BIRC3: variants seen among roughly 807,000 people sequenced by gnomAD.
The protein encoded by BIRC3 is baculoviral IAP repeat containing 3, also known as baculoviral IAP repeat-containing protein 3.
In BIRC3, 26 loss-of-function variants were observed where a neutral mutation model predicts 59.0. The ratio of observed to expected loss-of-function variants is 0.44; its 90% confidence interval spans 0.32 to 0.61. BIRC3 has a LOEUF of 0.61. Ranked by LOEUF, BIRC3 falls within the 20% of genes least tolerant of loss-of-function variation. The pLI is 0.04. For missense variants in BIRC3, 641 were observed against 711.5 expected (o/e 0.90, Z 1.13); for synonymous variants, 243 against 249.2 (o/e 0.98, Z 0.24).
intron 1 of BIRC3, chr11:102,320,546 T>C (rs1243784730): frequency 1.3e-5 from 2 of 152,252 alleles, no homozygotes; most frequent in Non-Finnish European, 2.9e-5. Flanking sequence ...ATTACAGGAG[T>C]GAGCCATGGC....
intron 3 of BIRC3, among the ~76,000 whole-genome samples, chr11:102,326,444 T>C (rs1380664103): frequency 6.6e-6 from 1 of 152,218 alleles, no homozygotes; most frequent in Non-Finnish European, 1.5e-5. Flanking sequence ...CTTGCAAGTG[T>C]GGGTTTTTAT....
In BIRC3 at chr11:102,331,240, A is replaced by C; in HGVS notation, c.1323A>C (p.Ser441=). The change falls in exon 6 of 9, where the codon TCA becomes TCC. Residue 441 remains serine, a splice_region_variant and synonymous_variant. Coordinates refer to ENST00000263464, the MANE Select transcript of BIRC3 (RefSeq NM_001165.5). Reference sequence around the variant, plus strand: ...AAAGAGCAACTGAGGAAAAAGAATCAAGTATGTAGATTTATTAATACAGTC... The same window carrying C: ...AAAGAGCAACTGAGGAAAAAGAATCCAGTATGTAGATTTATTAATACAGTC... The part of the protein sequence containing the change: ...ERERATEEKE[S]NDLLLIRKNR... 1.9e-6 allele frequency: 3 copies of C among 1,605,514 alleles called. No homozygotes were observed. Among genetic ancestry groups the C allele is most frequent in the Non-Finnish European group, 2.5e-6 (3 of 1,177,092 alleles).
Position 102,323,994 on chromosome 11 carries a change from A to G in BIRC3, c.-516A>G, listed in dbSNP as rs1017216740. On this transcript the variant is annotated 5_prime_UTR_variant, in exon 2 of 9. Coordinates refer to ENST00000263464, the MANE Select transcript of BIRC3 (RefSeq NM_001165.5). ...GGTCTTGTGCTTTTTTTTCCTGGCC[A>G]CTAAATTTCACAATTTCCAAAAAGC... 1.9e-5 allele frequency: 4 copies of G among 205,928 alleles called. No homozygotes were observed. Among genetic ancestry groups the G allele is most frequent in the Admixed American group, 1.2e-4 (2 of 16,768 alleles). The allele number at this position is 205,928 out of a possible 1,614,324, so 12.8% of individuals were successfully genotyped here.
In BIRC3 at chr11:102,322,510, G is replaced by A. The variant is rs1951040919; in HGVS notation, c.-2000G>A. ...AATGATGAGGATGAGAATGATGGTT[G>A]AAGGTTACATTTTAGGAAATGAAGA... On this transcript the variant is annotated 5_prime_UTR_variant, in exon 2 of 9. Transcript: ENST00000263464. 1 of 206,642 alleles carries A rather than the reference G, an allele frequency of 4.8e-6. No homozygotes were observed. The highest frequency in any genetic ancestry group is 7.4e-5 in the East Asian group (1 of 13,534). The allele number at this position is 206,642 out of a possible 1,614,324, so 12.8% of individuals were successfully genotyped here.
At chr11:102,333,288 T>A (rs1441967930) in intron 6 of BIRC3, among the ~76,000 whole-genome samples, 1 of 151,450 alleles carries the variant, frequency 6.6e-6, no homozygotes, top group African/African-American at 2.4e-5. Context: ...TATGGCTGAG[T>A]GTGGTGGCTC....
Position 102,323,335 on chromosome 11 carries a change from G to C in BIRC3, c.-1175G>C, listed in dbSNP as rs1302891040. The C allele has an allele frequency of 1.0e-5, 2 of 193,252 alleles. No homozygotes were observed. The highest frequency in any genetic ancestry group is 1.6e-4 in the East Asian group (2 of 12,266). 12.0% of individuals were successfully genotyped at this position (193,252 alleles called of 1,614,324 possible). A position where few individuals can be genotyped will look rare whatever the true frequency, so the allele number is the denominator to read the frequency against. Reference sequence around the variant, plus strand: ...AACCTGAATATAGCAATGAAGTTCAGTTTTGTTATTGGTAGTTTGGGCAGA... The same window carrying C: ...AACCTGAATATAGCAATGAAGTTCACTTTTGTTATTGGTAGTTTGGGCAGA... On this transcript the variant is annotated 5_prime_UTR_variant, in exon 2 of 9. Transcript: ENST00000263464.
At chr11:102,335,866 C>A (rs1212654315) in intron 6 of BIRC3, 100 bp from the exon 7 acceptor site, 12 of 1,253,008 alleles carry the variant, frequency 9.6e-6, no homozygotes, top group Admixed American at 2.4e-5. Flanking sequence ...TTACTGATTA[C>A]GAATTAAAGA....
intron 6 of BIRC3, 22 bp downstream of exon 6, chr11:102,331,263 GTC>G (rs1418924075): frequency 6.3e-7 from 1 of 1,581,688 alleles, no homozygotes; most frequent in Non-Finnish European, 8.6e-7. Flanking sequence ...TATTAATACA[GTC>G]TATTTTCATA....
chr11:102,334,845 T>C (rs1951180850), intron 6 of BIRC3, among the ~76,000 whole-genome samples: 1 of 152,202 alleles, frequency 6.6e-6, no homozygotes, highest in Non-Finnish European at 1.5e-5. Context: ...TTATTCAAAA[T>C]GCTGTTACTG....
In BIRC3 at chr11:102,338,142, TC is replaced by T. The variant is rs916516110; in HGVS notation, c.*1045del. 15 of 228,248 alleles carry T rather than the reference TC, an allele frequency of 6.6e-5. No homozygotes were observed. Among genetic ancestry groups the T allele is most frequent in the Non-Finnish European group, 9.6e-5 (11 of 115,080 alleles). The allele number at this position is 228,248 out of a possible 1,614,324, so 14.1% of individuals were successfully genotyped here. On this transcript the variant is annotated 3_prime_UTR_variant, in exon 9 of 9. Coordinates refer to ENST00000263464, the MANE Select transcript of BIRC3 (RefSeq NM_001165.5). ...TTCATATTGTCAGTGCAACAAAATG[TC>T]CCCCTCTGCATTATGTTATTGGTAC...
intron 6 of BIRC3, among the ~76,000 whole-genome samples, chr11:102,334,691 T>C (rs1032902519): frequency 1.1e-4 from 17 of 152,160 alleles, no homozygotes; most frequent in Non-Finnish European, 1.0e-4. Context: ...AAACTTAGAT[T>C]CATAAGTTAT....
At chr11:102,318,635 C>T (rs1392339367) in intron 1 of BIRC3, among the ~76,000 whole-genome samples, 1 of 152,094 alleles carries the variant, frequency 6.6e-6, no homozygotes, top group Non-Finnish European at 1.5e-5. Flanking sequence ...TGCTGCATGC[C>T]CAAAGGGTAG....
rs1201113942 is a variant in BIRC3, at chr11:102,321,863, T to C, written c.-2647T>C. 5.5e-6 allele frequency: 1 copy of C among 182,388 alleles called. No individual in the cohort carries two copies. Among genetic ancestry groups the C allele is most frequent in the African/African-American group, 2.4e-5 (1 of 42,518 alleles). 11.3% of individuals were successfully genotyped at this position (182,388 alleles called of 1,614,324 possible). ...TTTACAAAGGAGGAAAACGACTTCT[T>C]CTAGATTTTTTTTTCAGTTTCTTCT... On this transcript the variant is annotated 5_prime_UTR_variant, in exon 2 of 9. Coordinates refer to ENST00000263464, the MANE Select transcript of BIRC3 (RefSeq NM_001165.5).
In BIRC3 at chr11:102,331,228, G is replaced by A. The variant is rs759769314; in HGVS notation, c.1311G>A (p.Glu437=). The change falls in exon 6 of 9, where the codon GAG becomes GAA. Residue 437 remains glutamate, a synonymous_variant. Coordinates refer to ENST00000263464, the MANE Select transcript of BIRC3 (RefSeq NM_001165.5). ...AAGAGGAGAGAGAAAGAGCAACTGA[G>A]GAAAAAGAATCAAGTATGTAGATTT... ...IREEERERAT[E]EKESNDLLLI... is the part of the protein sequence containing the mutation. The A allele has an allele frequency of 1.2e-6, 2 of 1,606,062 alleles. No homozygotes were observed. The highest frequency in any genetic ancestry group is 2.7e-5 in the African/African-American group (2 of 74,112).
Position 102,337,700 on chromosome 11 carries a change from G to GA in BIRC3, c.*604dup, listed in dbSNP as rs1193556167. On this transcript the variant is annotated 3_prime_UTR_variant, in exon 9 of 9. Coordinates refer to ENST00000263464, the MANE Select transcript of BIRC3 (RefSeq NM_001165.5). ...GGTGTTTTTATAAAGAATTCTGTGA[G>GA]AAAAAATTTAATAAAGCAACAAAAA... 1 of 280,122 alleles carries GA rather than the reference G, an allele frequency of 3.6e-6. No homozygotes were observed. The highest frequency in any genetic ancestry group is 5.2e-5 in the East Asian group (1 of 19,148). The allele number at this position is 280,122 out of a possible 1,614,324, so 17.4% of individuals were successfully genotyped here.
Position 102,328,926 on chromosome 11 carries a change from T to G in BIRC3, c.1062T>G (p.Asp354Glu), listed in dbSNP as rs953349466. 1 of 1,445,182 alleles carries G rather than the reference T, an allele frequency of 6.9e-7. No homozygotes were observed. The highest frequency in any genetic ancestry group is 9.1e-7 in the Non-Finnish European group (1 of 1,098,522). The allele number at this position is 1,445,182 out of a possible 1,614,324, so 89.5% of individuals were successfully genotyped here. A position where few individuals can be genotyped will look rare whatever the true frequency, so the allele number is the denominator to read the frequency against. ...TATCCACATCAGACAGCCCAGGAGA[T>G]GAAAATGCAGAGTCATCAAGTAAGT... ...QLLSTSDSPG[D>E]ENAESSIIHF... Residue 354 changes from aspartate to glutamate, a missense_variant, in exon 5 of 9, where the codon GAT (aspartate) becomes GAG (glutamate). Physicochemically the swap from Asp to Glu is conservative, Grantham distance 45. Transcript: ENST00000263464.
intron 4 of BIRC3, 108 bp downstream of exon 4, chr11:102,328,238 C>A: frequency 1.2e-6 from 1 of 844,934 alleles, no homozygotes; most frequent in Non-Finnish European, 1.9e-6. Flanking sequence ...TTTAGAAATA[C>A]ATTTTCTTTT....
chr11:102,323,013 AT>A lies in BIRC3; in HGVS notation c.-1494del, dbSNP rs1801715867. The A allele has an allele frequency of 5.0e-6, 1 of 200,892 alleles. No individual in the cohort carries two copies. The highest frequency in any genetic ancestry group is 7.7e-5 in the East Asian group (1 of 12,974). 12.4% of individuals were successfully genotyped at this position (200,892 alleles called of 1,614,324 possible). ...TTCTGACCAAAACTAAATTGATGCA[AT>A]TTGATTATCCATCTTAGCCTACAGA... On this transcript the variant is annotated 5_prime_UTR_variant, in exon 2 of 9. The change abolishes the stop of an existing upstream ORF in the 5' untranslated region. Coordinates refer to ENST00000263464, the MANE Select transcript of BIRC3 (RefSeq NM_001165.5).
intron 6 of BIRC3, among the ~76,000 whole-genome samples, chr11:102,333,582 AAAG>A (rs2135790803): frequency 6.6e-6 from 1 of 151,706 alleles, no homozygotes; most frequent in East Asian, 1.9e-4. Context: ...GAAAAAAAAA[AAAG>A]AAAGAAAGAA....
Sources: gnomAD v4.1 joint callset for allele counts (sites outside exome capture counted in the v4.1 genomes callset) on GRCh38, gnomAD v4.1.1 for gene constraint, MANE v1.5 for transcripts, NCBI Gene and HGNC (gene_info 2026-07-23, HGNC 2026-07-21) for gene names.